The following MYO7A variants were observed in gnomAD, a reference collection of about 807,000 sequenced individuals.
MYO7A encodes myosin VIIA.
A neutral mutation model predicts 263.8 loss-of-function variants in MYO7A; 210 were observed. The observed-to-expected ratio is 0.80, with a 90% CI of 0.71 to 0.89. The LOEUF is 0.89. MYO7A is among the 40% of genes least tolerant of loss of function. MYO7A has a pLI of 0.00. For synonymous variants in MYO7A, 1,239 were observed against 1,197.3 expected (o/e 1.03, Z -0.72); for missense variants, 2,820 against 2,968.3 (o/e 0.95, Z 1.16).
rs1555084719 is a variant in MYO7A at position 77,181,922 on chromosome 11, C to G, written c.2905-29C>G. The G allele has an allele frequency of 5.0e-6, 8 of 1,607,882 alleles. No homozygotes were observed. The South Asian group carries it at 8.8e-5, about 18-fold the overall frequency. On this transcript the variant is annotated intron_variant, in intron 23 of 48. Coordinates refer to ENST00000409709, the MANE Select transcript of MYO7A (RefSeq NM_000260.4). Reference sequence around the variant, plus strand: ...ACCTGAGCTTCCTGAGTAGCTGGGACTCCAGGGCATACCTCTTGTCTCCTT... The same window carrying G: ...ACCTGAGCTTCCTGAGTAGCTGGGAGTCCAGGGCATACCTCTTGTCTCCTT...
chr11:77,202,917 C>T, intron 37 of MYO7A, 143 bp from the exon 38 acceptor site: 1 of 1,062,878 alleles, frequency 9.4e-7, no homozygotes. Flanking sequence ...GGGTCACATG[C>T]AGGGCAGGGA....
Position 77,211,238 on chromosome 11 carries a change from C to T in MYO7A, c.6138C>T (p.Phe2046=), listed in dbSNP as rs1414461137. ...GGGCGCTGATCTACAGGGTCAAGTT[C>T]GAGGAGGACAAGTCCTACTTCCCCA... The part of the protein sequence containing the change: ...QLGALIYRVK[F]EEDKSYFPSI... Residue 2046 remains phenylalanine (F), a synonymous_variant, in exon 45 of 49, where the codon TTC becomes TTT. Coordinates refer to ENST00000409709, the MANE Select transcript of MYO7A (RefSeq NM_000260.4). 8 of 1,586,510 alleles carry T rather than the reference C, an allele frequency of 5.0e-6. No individual in the cohort carries two copies. Among genetic ancestry groups the T allele is most frequent in the East Asian group, 4.6e-5 (2 of 43,462 alleles).
intron 4 of MYO7A, among the ~76,000 whole-genome samples, chr11:77,155,101 G>A (rs1430997462): frequency 3.3e-5 from 5 of 152,170 alleles, no homozygotes; most frequent in Admixed American, 1.3e-4. Context: ...TTTGAGACGT[G>A]GGGTGGGAGG....
chr11:77,144,344 G>A (rs530777732), intron 3 of MYO7A, among the ~76,000 whole-genome samples: 51 of 152,272 alleles, frequency 3.3e-4, no homozygotes, highest in Non-Finnish European at 6.2e-4. Flanking sequence ...GAGCCCCCAG[G>A]GTGGGGACCA....
At chr11:77,131,045 G>T (rs1252108703) in intron 2 of MYO7A, among the ~76,000 whole-genome samples, 1 of 152,220 alleles carries the variant, frequency 6.6e-6, no homozygotes, top group African/African-American at 2.4e-5. Flanking sequence ...AGCAGTGACT[G>T]GAGGGCGGGG....
At chr11:77,202,605 TCTTC>T (rs1957144363) in intron 37 of MYO7A, among the ~76,000 whole-genome samples, 181 bp downstream of exon 37, 1 of 152,046 alleles carries the variant, frequency 6.6e-6, no homozygotes, top group Admixed American at 6.5e-5. Context: ...TCTCATCTTA[TCTTC>T]CTTCCTTCAA....
intron 28 of MYO7A, 92 bp downstream of exon 28, chr11:77,189,562 C>T (rs979565911): frequency 6.4e-7 from 1 of 1,555,012 alleles, no homozygotes; most frequent in South Asian, 1.2e-5. Context: ...CTCCAAAGGG[C>T]CTGGTCACAA....
In MYO7A at chr11:77,214,762, C is replaced by G; in HGVS notation, c.*66C>G. 1.5e-6 allele frequency: 2 copies of G among 1,314,996 alleles called. No homozygotes were observed. Among genetic ancestry groups the G allele is most frequent in the Non-Finnish European group, 2.1e-6 (2 of 938,658 alleles). 81.5% of individuals were successfully genotyped at this position (1,314,996 alleles called of 1,614,324 possible). A position where few individuals can be genotyped will look rare whatever the true frequency, so the allele number is the denominator to read the frequency against. On this transcript the variant is annotated 3_prime_UTR_variant, in exon 49 of 49. Coordinates refer to ENST00000409709, the MANE Select transcript of MYO7A (RefSeq NM_000260.4). ...GCAGCAGTGGGTTCAGGCCCATCAG[C>G]TACCCCTGCAGCTGGGGAAGACTTA...
chr11:77,189,548 G>C lies in MYO7A; in HGVS notation c.3630+78G>C. On this transcript the variant is annotated intron_variant, in intron 28 of 48. Coordinates refer to ENST00000409709, the MANE Select transcript of MYO7A (RefSeq NM_000260.4). ...AGCACTGTGGGGAGAGCAATAGCCA[G>C]GGGCTCCAAAGGGCCTGGTCACAAG... 4 of 1,580,096 alleles carry C rather than the reference G, an allele frequency of 2.5e-6. No homozygotes were observed. The South Asian group carries it at 4.6e-5, about 18-fold the overall frequency.
rs180774455 is a variant in MYO7A, at chr11:77,180,360, C to T, written c.2587-14C>T. The T allele has an allele frequency of 2.0e-4, 314 of 1,608,276 alleles. No homozygotes were observed. The African/African-American group carries it at 3.8e-3, about 19-fold the overall frequency. On this transcript the variant is annotated splice_polypyrimidine_tract_variant and intron_variant, in intron 21 of 48. Coordinates refer to ENST00000409709, the MANE Select transcript of MYO7A (RefSeq NM_000260.4). ...CACACATTTCCATGCCCTCTGGATG[C>T]CCCCTTCCCTCAGTATCTGTGGCGC...
intron 2 of MYO7A, 84 bp downstream of exon 2, chr11:77,130,736 C>CA: frequency 6.8e-7 from 1 of 1,463,610 alleles, no homozygotes. Context: ...GACACCCTCC[C>CA]CAGGGTGTTC....
At chr11:77,212,684 G>T in intron 46 of MYO7A, 1 of 534,664 alleles carries the variant, frequency 1.9e-6, no homozygotes, top group Non-Finnish European at 3.4e-6. Context: ...GGCAGGTGCA[G>T]GGTCCAGGAG....
At position 77,149,523 on chromosome 11, in the gene MYO7A, G is replaced by A. The variant is rs115649351; in HGVS notation, c.285+1573G>A. Among the ~76,000 whole-genome samples, 438 of 152,250 alleles carry A rather than the reference G, an allele frequency of 2.9e-3. 3 individuals are homozygous for A. Among genetic ancestry groups the A allele is most frequent in the African/African-American group, 0.01 (428 of 41,528 alleles). ...TGAAGGGGTGCTAGGGCCCAGGGCT[G>A]GAAAAGTCTCAGGGAGCCCCAGGTG... On this transcript the variant is annotated intron_variant, in intron 4 of 48. Coordinates refer to ENST00000409709, the MANE Select transcript of MYO7A (RefSeq NM_000260.4).
Position 77,166,723 on chromosome 11 carries a change from C to T in MYO7A, c.1797+561C>T, listed in dbSNP as rs551389608. Among the ~76,000 whole-genome samples the T allele has an allele frequency of 4.6e-5, 7 of 152,320 alleles. No homozygotes were observed. In the East Asian group the frequency reaches 5.8e-4, roughly 13 times the overall value. On this transcript the variant is annotated intron_variant, in intron 15 of 48. Coordinates refer to ENST00000409709, the MANE Select transcript of MYO7A (RefSeq NM_000260.4). ...TCCTGGAGGGTGCATGAAGTCCTCA[C>T]GCAGAAGACAGTCCTTGCCCCTTCC...
At chr11:77,191,331 C>T (rs1168718401) in intron 30 of MYO7A, 3 of 158,074 alleles carry the variant, frequency 1.9e-5, no homozygotes, top group African/African-American at 7.2e-5. Context: ...AAAAAACAAA[C>T]AAACAAAAAA....
chr11:77,162,919 C>A lies in MYO7A; in HGVS notation c.1621C>A (p.Pro541Thr), dbSNP rs781843594. ...QHKLNANYIPPKNNHETQFGI... is the reference protein window; with the variant it reads ...QHKLNANYIPTKNNHETQFGI... The stretch of plus-strand genomic sequence containing the variant: ...CAAGCTCAACGCCAACTACATCCCC[C>A]CCAAGAACAACCATGAGACCCAGTT... Residue 541 changes from proline (P) to threonine (T), a missense_variant, in exon 14 of 49, where the codon CCC becomes ACC. Transcript: ENST00000409709. The A allele has an allele frequency of 2.7e-5, 43 of 1,613,852 alleles. No individual in the cohort carries two copies. The highest frequency in any genetic ancestry group is 2.6e-4 in the South Asian group (24 of 91,064).
rs577833842 is a variant in MYO7A at position 77,158,384 on chromosome 11, G to A, written c.957G>A (p.Ser319=). Residue 319 remains serine (S), a synonymous_variant, in exon 9 of 49, where the codon TCG becomes TCA. Transcript: ENST00000409709. ...CTGACACCGAGAACTGGGAGATCTC[G>A]AAGCTCCTGGCTGCCATCCTGCACC... ...MFTDTENWEI[S]KLLAAILHLG... is the part of the protein sequence containing the mutation. 15 of 1,613,034 alleles carry A rather than the reference G, an allele frequency of 9.3e-6. No homozygotes were observed. The East Asian group carries it at 1.6e-4, about 17-fold the overall frequency.
intron 34 of MYO7A, 35 bp downstream of exon 34, chr11:77,198,656 A>G (rs971878326): frequency 5.6e-6 from 9 of 1,612,080 alleles, no homozygotes; most frequent in African/African-American, 1.3e-5. Context: ...AGACAGACAG[A>G]GGGGAAGGAG....
At chr11:77,135,417 C>T (rs1565295546) in intron 2 of MYO7A, among the ~76,000 whole-genome samples, 2 of 152,196 alleles carry the variant, frequency 1.3e-5, no homozygotes, top group East Asian at 3.8e-4. Flanking sequence ...CGTCTTAAGG[C>T]TGAGTAACGT....
Sources: allele counts gnomAD v4.1 joint callset (sites outside exome capture counted in the v4.1 genomes callset), GRCh38; gene constraint gnomAD v4.1.1; transcripts MANE v1.5; gene names NCBI Gene and HGNC (gene_info 2026-07-23, HGNC 2026-07-21).